Variants in NEDD4L observed in about 807,000 individuals in gnomAD.
The protein encoded by NEDD4L is E3 ubiquitin-protein ligase NEDD4-like.
NEDD4L carries 54 observed loss-of-function variants against 148.9 expected under a neutral mutation model. That is an observed-to-expected ratio of 0.36 (90% CI 0.29 to 0.45). The LOEUF (loss-of-function observed/expected upper bound fraction) is 0.45. Ranked by LOEUF, NEDD4L falls within the 20% of genes least tolerant of loss-of-function variation. NEDD4L has a pLI of 1.00. For synonymous variants in NEDD4L, 433 were observed against 440.7 expected (o/e 0.98, Z 0.22); for missense variants, 856 against 1,233.8 (o/e 0.69, Z 4.59).
intron 1 of NEDD4L, among the ~76,000 whole-genome samples, chr18:58,162,230 C>T (rs2036302204): frequency 6.6e-6 from 1 of 152,106 alleles, no homozygotes; most frequent in African/African-American, 2.4e-5. Flanking sequence ...TAAAACTTTA[C>T]AGTGCTTCTC....
At position 58,099,947 on chromosome 18, in the gene NEDD4L, G is replaced by C. The variant is rs906887925; in HGVS notation, c.48+55239G>C. Among the ~76,000 whole-genome samples, 2 of 151,832 alleles carry C rather than the reference G, an allele frequency of 1.3e-5. 1 individual carries two copies. Among genetic ancestry groups the C allele is most frequent in the South Asian group, 4.1e-4 (2 of 4,822 alleles). ...TTGCTTTACAGAATAATCTGAGATAGCTAATAATCAAAGTGCAGGTCCCCC... is the reference window on the plus strand; with the variant it reads ...TTGCTTTACAGAATAATCTGAGATACCTAATAATCAAAGTGCAGGTCCCCC... On this transcript the variant is annotated intron_variant, in intron 1 of 30. Coordinates refer to ENST00000400345, the MANE Select transcript of NEDD4L (RefSeq NM_001144967.3).
intron 12 of NEDD4L, 61 bp from the exon 13 acceptor site, chr18:58,335,416 GA>G: frequency 7.2e-7 from 1 of 1,397,792 alleles, no homozygotes; most frequent in African/African-American, 1.4e-5. Context: ...AGTGGGCCCT[GA>G]TTCAGACAGC....
chr18:58,398,600 C>T lies in NEDD4L; in HGVS notation c.*2331C>T, dbSNP rs1164187745. 2 of 152,172 alleles carry T rather than the reference C, an allele frequency of 1.3e-5. No homozygotes were observed. Among genetic ancestry groups the T allele is most frequent in the Non-Finnish European group, 2.9e-5 (2 of 68,036 alleles). The allele number at this position is 152,172 out of a possible 1,614,324, so 9.4% of individuals were successfully genotyped here. A position where few individuals can be genotyped will look rare whatever the true frequency, so the allele number is the denominator to read the frequency against. Reference sequence around the variant, plus strand: ...TGGAAGGCAGTAATTGTGAGTGACACCTCAGTTCATCAACCCCTTAATAAT... The same window carrying T: ...TGGAAGGCAGTAATTGTGAGTGACATCTCAGTTCATCAACCCCTTAATAAT... On this transcript the variant is annotated 3_prime_UTR_variant, in exon 31 of 31. Transcript: ENST00000400345.
At chr18:58,083,887 T>C (rs2083601936) in intron 1 of NEDD4L, among the ~76,000 whole-genome samples, 1 of 152,150 alleles carries the variant, frequency 6.6e-6, no homozygotes, top group Admixed American at 6.5e-5. Flanking sequence ...TGTTCCACCA[T>C]GCCTGGCTAA....
intron 1 of NEDD4L, among the ~76,000 whole-genome samples, chr18:58,119,431 T>C (rs977026502): frequency 4.6e-5 from 7 of 152,276 alleles, no homozygotes; most frequent in Admixed American, 1.3e-4. Flanking sequence ...CTTTCTGGCA[T>C]TTGTGTTCTG....
chr18:58,279,810 CTATT>C (rs2052723936), intron 5 of NEDD4L, among the ~76,000 whole-genome samples: 1 of 152,206 alleles, frequency 6.6e-6, no homozygotes, highest in Non-Finnish European at 1.5e-5. Flanking sequence ...ATTGTGGCCT[CTATT>C]TAGTCCATTC....
chr18:58,176,197 C>G (rs2038121014), intron 2 of NEDD4L, among the ~76,000 whole-genome samples: 1 of 152,136 alleles, frequency 6.6e-6, no homozygotes, highest in Non-Finnish European at 1.5e-5. Context: ...CTTTCTCTCT[C>G]TCACTCTCCC....
chr18:58,212,957 CAGCTA>C (rs2042752632), intron 2 of NEDD4L, among the ~76,000 whole-genome samples: 1 of 151,460 alleles, frequency 6.6e-6, no homozygotes, highest in African/African-American at 2.4e-5. Flanking sequence ...CAAATGCAGA[CAGCTA>C]GCTGGCAAAC....
At chr18:58,112,808 A>G (rs560916904) in intron 1 of NEDD4L, among the ~76,000 whole-genome samples, 30 of 152,298 alleles carry the variant, frequency 2.0e-4, no homozygotes, top group African/African-American at 6.3e-4. Context: ...ATACATTTTT[A>G]ATATAATGTG....
intron 16 of NEDD4L, among the ~76,000 whole-genome samples, chr18:58,347,199 G>A (rs1217383519): frequency 4.3e-5 from 4 of 93,976 alleles, no homozygotes; most frequent in Admixed American, 1.1e-4. Flanking sequence ...TTCTTTTCAC[G>A]CTACGGCCCC....
intron 5 of NEDD4L, among the ~76,000 whole-genome samples, chr18:58,278,692 AG>A (rs1035721610): frequency 6.6e-6 from 1 of 152,076 alleles, no homozygotes; most frequent in African/African-American, 2.4e-5. Context: ...CCTCATGTAC[AG>A]GCCTTCAGCC....
intron 2 of NEDD4L, among the ~76,000 whole-genome samples, chr18:58,229,551 AT>A (rs2044817327): frequency 6.6e-6 from 1 of 152,148 alleles, no homozygotes; most frequent in Non-Finnish European, 1.5e-5. Flanking sequence ...GCTCTTTAAT[AT>A]TATCTCATTC....
intron 1 of NEDD4L, among the ~76,000 whole-genome samples, chr18:58,114,358 A>G (rs2085628234): frequency 6.7e-6 from 1 of 149,520 alleles, no homozygotes. Context: ...ATATATATAT[A>G]TATACACACA....
At chr18:58,245,065 T>G (rs2047095298) in intron 2 of NEDD4L, among the ~76,000 whole-genome samples, 2 of 152,196 alleles carry the variant, frequency 1.3e-5, no homozygotes, top group Admixed American at 6.5e-5. Context: ...TTACCTCCAC[T>G]AATTACCTAG....
rs1224759809 is a variant in NEDD4L at position 58,396,518 on chromosome 18, T to C, written c.*249T>C. 4 of 358,130 alleles carry C rather than the reference T, an allele frequency of 1.1e-5. No homozygotes were observed. Among genetic ancestry groups the C allele is most frequent in the African/African-American group, 6.2e-5 (3 of 48,516 alleles). The allele number at this position is 358,130 out of a possible 1,614,324, so 22.2% of individuals were successfully genotyped here. A position where few individuals can be genotyped will look rare whatever the true frequency, so the allele number is the denominator to read the frequency against. On this transcript the variant is annotated 3_prime_UTR_variant, in exon 31 of 31. Coordinates refer to ENST00000400345, the MANE Select transcript of NEDD4L (RefSeq NM_001144967.3). ...CTAATTACATTTCAGGAGGACTTAA[T>C]GCTATTTATGTTGTGCCTCTGCAGG...
At chr18:58,060,065 C>A (rs1287191368) in intron 1 of NEDD4L, among the ~76,000 whole-genome samples, 1 of 131,598 alleles carries the variant, frequency 7.6e-6, no homozygotes, top group Non-Finnish European at 1.5e-5. Flanking sequence ...ACAAGCAGTC[C>A]GGTTGTAGAC....
chr18:58,350,471 T>C (rs1303027683), intron 17 of NEDD4L, among the ~76,000 whole-genome samples: 1 of 152,184 alleles, frequency 6.6e-6, no homozygotes, highest in East Asian at 1.9e-4. Flanking sequence ...ATATGGATAG[T>C]TCAGATAATG....
chr18:58,298,608 C>CT (rs1025808112), intron 5 of NEDD4L, among the ~76,000 whole-genome samples: 7 of 152,164 alleles, frequency 4.6e-5, no homozygotes, highest in African/African-American at 1.7e-4. Context: ...TCTCTCTCCC[C>CT]TTTTTTCCTT....
chr18:58,134,881 A>G (rs2032654793), intron 1 of NEDD4L, among the ~76,000 whole-genome samples: 1 of 151,920 alleles, frequency 6.6e-6, no homozygotes, highest in Non-Finnish European at 1.5e-5. Context: ...CCTTTAGTAC[A>G]GTGTGAAGTA....
Sources: gnomAD v4.1 joint callset for allele counts (sites outside exome capture counted in the v4.1 genomes callset) on GRCh38, gnomAD v4.1.1 for gene constraint, MANE v1.5 for transcripts, NCBI Gene and HGNC (gene_info 2026-07-23, HGNC 2026-07-21) for gene names.